TMEM184C: variants seen among roughly 807,000 people sequenced by gnomAD.
TMEM184C encodes the protein transmembrane protein 34.
TMEM184C carries 25 observed loss-of-function variants against 54.5 expected under a neutral mutation model. That is an observed-to-expected ratio of 0.46 (90% CI 0.33 to 0.64). The LOEUF (loss-of-function observed/expected upper bound fraction) is 0.64, where lower values mean the gene tolerates loss of function less well. Ranked by LOEUF, TMEM184C falls within the 30% of genes least tolerant of loss-of-function variation. TMEM184C has a pLI of 0.02. For missense variants in TMEM184C, 335 were observed against 520.3 expected (o/e 0.64, Z 3.46); for synonymous variants, 148 against 181.5 (o/e 0.82, Z 1.49).
chr4:147,628,472 T>A (rs746145032), intron 5 of TMEM184C, 37 bp downstream of exon 5: 3 of 1,536,884 alleles, frequency 2.0e-6, no homozygotes, highest in Non-Finnish European at 2.7e-6. Context: ...TTTTTTTTCA[T>A]CCTTGTGATC....
chr4:147,624,219 G>A (rs1348635458), intron 3 of TMEM184C, 121 bp downstream of exon 3: 8 of 763,598 alleles, frequency 1.0e-5, no homozygotes, highest in Non-Finnish European at 1.6e-5. Flanking sequence ...AAGTAAAAAG[G>A]TTCACTTGTT....
At chr4:147,631,654 A>T in intron 7 of TMEM184C, 149 bp downstream of exon 7, 1 of 641,624 alleles carries the variant, frequency 1.6e-6, no homozygotes, top group South Asian at 2.0e-5. Context: ...TAGCCCTTCT[A>T]CAATTTTCAA....
Position 147,631,516 on chromosome 4 carries a change from CT to C in TMEM184C, c.779+19del, listed in dbSNP as rs1284771954. 8.8e-6 allele frequency: 14 copies of C among 1,588,170 alleles called. No homozygotes were observed. Among genetic ancestry groups the C allele is most frequent in the Admixed American group, 3.6e-5 (2 of 55,574 alleles). ...TTTTGTTTCTTTTTGGTAAGTGTTA[CT>C]TTTTTTTAAATGTTCTCATTTTTTT... On this transcript the variant is annotated intron_variant, in intron 7 of 9. Transcript: ENST00000296582.
At chr4:147,621,947 A>C (rs1230174184) in intron 1 of TMEM184C, among the ~76,000 whole-genome samples, 1 of 151,826 alleles carries the variant, frequency 6.6e-6, no homozygotes, top group African/African-American at 2.4e-5. Flanking sequence ...AGCAATCAAA[A>C]TAAGCAATTA....
intron 4 of TMEM184C, among the ~76,000 whole-genome samples, chr4:147,626,757 G>A (rs1043070312): frequency 6.6e-6 from 1 of 152,216 alleles, no homozygotes; most frequent in Non-Finnish European, 1.5e-5. Context: ...GGAGAGTTAG[G>A]AATTAAGACA....
chr4:147,622,643 A>C (rs1398773766), intron 1 of TMEM184C, among the ~76,000 whole-genome samples: 2 of 152,216 alleles, frequency 1.3e-5, no homozygotes, highest in African/African-American at 2.4e-5. Flanking sequence ...GGATAAAAGC[A>C]AAAAGCCCTG....
chr4:147,624,152 T>C, intron 3 of TMEM184C, 54 bp downstream of exon 3: 1 of 1,445,384 alleles, frequency 6.9e-7, no homozygotes, highest in Non-Finnish European at 9.6e-7. Flanking sequence ...GATGATACTA[T>C]AATTACAGAA....
At chr4:147,634,129 T>A in intron 9 of TMEM184C, 40 bp from the exon 10 acceptor site, 1 of 1,584,276 alleles carries the variant, frequency 6.3e-7, no homozygotes, top group Non-Finnish European at 8.6e-7. Flanking sequence ...TTTATAATGG[T>A]AAAAATAACT....
chr4:147,623,249 C>T (rs1732744942), intron 1 of TMEM184C, among the ~76,000 whole-genome samples: 1 of 151,948 alleles, frequency 6.6e-6, no homozygotes, highest in South Asian at 2.1e-4. Flanking sequence ...GAGTTCCAGA[C>T]CAGGCTGGCC....
Position 147,636,643 on chromosome 4 carries a change from T to C in TMEM184C, c.*2209T>C, listed in dbSNP as rs1401138932. 5 of 152,124 alleles carry C rather than the reference T, an allele frequency of 3.3e-5. No individual in the cohort carries two copies. The highest frequency in any genetic ancestry group is 2.1e-4 in the South Asian group (1 of 4,814). The allele number at this position is 152,124 out of a possible 1,614,324, so 9.4% of individuals were successfully genotyped here. ...ATGTGACTACATCAAACCAAAAAGC[T>C]TCTGACAGTAAAAGAAACAGTCAAC... On this transcript the variant is annotated 3_prime_UTR_variant, in exon 10 of 10. Transcript: ENST00000296582.
chr4:147,633,958 C>T, intron 9 of TMEM184C, 22 bp downstream of exon 9: 1 of 1,599,718 alleles, frequency 6.3e-7, no homozygotes, highest in Non-Finnish European at 8.5e-7. Flanking sequence ...CTATTTAATT[C>T]AACCAAATAG....
rs1732985775 is a variant in TMEM184C, at chr4:147,634,897, T to G, written c.*463T>G. 1.3e-5 allele frequency: 2 copies of G among 155,132 alleles called. No individual in the cohort carries two copies. Among genetic ancestry groups the G allele is most frequent in the Non-Finnish European group, 2.8e-5 (2 of 70,224 alleles). The allele number at this position is 155,132 out of a possible 1,614,324, so 9.6% of individuals were successfully genotyped here. On this transcript the variant is annotated 3_prime_UTR_variant, in exon 10 of 10. Coordinates refer to ENST00000296582, the MANE Select transcript of TMEM184C (RefSeq NM_018241.3). ...ACCTGCCACCATGCCCAGCTAATTTTTTTTTTTTCAGTAGAGACAGGGTCT... is the reference window on the plus strand; with the variant it reads ...ACCTGCCACCATGCCCAGCTAATTTGTTTTTTTTCAGTAGAGACAGGGTCT...
chr4:147,622,909 C>T (rs189175419), intron 1 of TMEM184C, among the ~76,000 whole-genome samples: 1 of 152,112 alleles, frequency 6.6e-6, no homozygotes, highest in East Asian at 1.9e-4. Flanking sequence ...ACTACAGGCA[C>T]ATGCTTCCAC....
intron 1 of TMEM184C, among the ~76,000 whole-genome samples, chr4:147,621,499 T>A (rs1486428988): frequency 6.6e-6 from 1 of 152,224 alleles, no homozygotes; most frequent in Non-Finnish European, 1.5e-5. Context: ...TTGAATAAAT[T>A]ATTTAGAGGT....
chr4:147,633,688 C>A, intron 8 of TMEM184C, 77 bp from the exon 9 acceptor site: 2 of 1,217,746 alleles, frequency 1.6e-6, no homozygotes, highest in Admixed American at 2.7e-5. Context: ...TTTTGAAAAG[C>A]AAGTAGAGAA....
At chr4:147,626,330 C>CCTACG (rs1202870350) in intron 4 of TMEM184C, among the ~76,000 whole-genome samples, 1 of 152,156 alleles carries the variant, frequency 6.6e-6, no homozygotes, top group Non-Finnish European at 1.5e-5. Context: ...GTTAGTTCAG[C>CCTACG]CTACGCCCAG....
intron 3 of TMEM184C, among the ~76,000 whole-genome samples, chr4:147,624,428 A>T (rs554266044): frequency 7.2e-5 from 11 of 151,938 alleles, no homozygotes; most frequent in Non-Finnish European, 1.6e-4. Context: ...CAGTGGATAC[A>T]CATGAAATTG....
rs1362505854 is a variant in TMEM184C, at chr4:147,628,351, T to A, written c.498-10T>A. On this transcript the variant is annotated splice_polypyrimidine_tract_variant and intron_variant, in intron 4 of 9. Coordinates refer to ENST00000296582, the MANE Select transcript of TMEM184C (RefSeq NM_018241.3). The stretch of plus-strand genomic sequence containing the variant: ...AGTAGTTGAAATTCTAAGTTCTTTT[T>A]CTTTTGCAGAGTATTGCTGTTTAGG... 9 of 1,598,862 alleles carry A rather than the reference T, an allele frequency of 5.6e-6. No individual in the cohort carries two copies. The highest frequency in any genetic ancestry group is 7.7e-6 in the Non-Finnish European group (9 of 1,175,848).
At chr4:147,622,526 T>C (rs1732729936) in intron 1 of TMEM184C, among the ~76,000 whole-genome samples, 1 of 152,176 alleles carries the variant, frequency 6.6e-6, no homozygotes, top group African/African-American at 2.4e-5. Context: ...ACATAGTATA[T>C]GCATATAGGA....
Sources: allele counts gnomAD v4.1 joint callset (sites outside exome capture counted in the v4.1 genomes callset), GRCh38; gene constraint gnomAD v4.1.1; transcripts MANE v1.5; gene names NCBI Gene and HGNC (gene_info 2026-07-23, HGNC 2026-07-21).